The following RAPGEF2 variants were observed in gnomAD, a reference collection of about 807,000 sequenced individuals.
The protein encoded by RAPGEF2 is PDZ domain containing guanine nucleotide exchange factor (GEF) 1.
A neutral mutation model predicts 186.7 loss-of-function variants in RAPGEF2; 54 were observed. The ratio of observed to expected loss-of-function variants is 0.29; its 90% CI spans 0.23 to 0.36. The LOEUF (loss-of-function observed/expected upper bound fraction) is 0.36. RAPGEF2 is among the 10% of genes least tolerant of loss of function. The pLI, the probability that RAPGEF2 is intolerant of heterozygous loss-of-function variation, is 1.00. For synonymous variants in RAPGEF2, 712 were observed against 705.9 expected, an observed-to-expected ratio of 1.01 and a Z score of -0.14; for missense variants, 1,532 against 2,045.0, an observed-to-expected ratio of 0.75 and a Z score of 4.84.
Position 159,346,976 on chromosome 4 carries a change from C to G in RAPGEF2, c.3690C>G (p.Pro1230=). ...VSLYPSRKKV[P]VKDLPPFGIN... ...TTTATCCTTCACGGAAGAAAGTGCC[C>G]GTAAAGGATCTCCCACCTTTTGGTA... The change falls in exon 25 of 30, where the codon CCC becomes CCG. Residue 1230 remains proline (P), a synonymous_variant. Coordinates refer to ENST00000691494, the MANE Select transcript of RAPGEF2 (RefSeq NM_001394067.2). 3 of 1,613,840 alleles carry G rather than the reference C, an allele frequency of 1.9e-6. No individual in the cohort carries two copies. Among genetic ancestry groups the G allele is most frequent in the African/African-American group, 2.7e-5 (2 of 75,030 alleles).
chr4:159,342,447 A>G (rs1301569587), intron 20 of RAPGEF2, among the ~76,000 whole-genome samples: 1 of 151,738 alleles, frequency 6.6e-6, no homozygotes, highest in Non-Finnish European at 1.5e-5. Flanking sequence ...ACAATTAGTT[A>G]TATTGATGTT....
chr4:159,236,996 A>G (rs868239499), intron 4 of RAPGEF2, among the ~76,000 whole-genome samples: 32 of 152,298 alleles, frequency 2.1e-4, no homozygotes, highest in Middle Eastern at 6.8e-3. Flanking sequence ...TATGTTAAAT[A>G]TGATGCTGGT....
chr4:159,143,273 A>T (rs754742670), intron 1 of RAPGEF2, among the ~76,000 whole-genome samples: 4 of 151,996 alleles, frequency 2.6e-5, no homozygotes, highest in Non-Finnish European at 5.9e-5. Context: ...ACCAAAAAAA[A>T]CCAAAAAAAC....
chr4:159,254,599 A>AC (rs1277196354), intron 7 of RAPGEF2, among the ~76,000 whole-genome samples: 2 of 125,034 alleles, frequency 1.6e-5, no homozygotes, highest in Non-Finnish European at 3.4e-5. Context: ...ATACAGCATG[A>AC]CTTTTTTTTT....
chr4:159,169,735 A>G (rs1745704687), intron 1 of RAPGEF2, among the ~76,000 whole-genome samples: 1 of 152,096 alleles, frequency 6.6e-6, no homozygotes, highest in Non-Finnish European at 1.5e-5. Context: ...GTTCATTTAT[A>G]TTGTCATAAA....
At chr4:159,315,388 A>G (rs971909160) in intron 9 of RAPGEF2, among the ~76,000 whole-genome samples, 1 of 147,210 alleles carries the variant, frequency 6.8e-6, no homozygotes, top group Non-Finnish European at 1.5e-5. Flanking sequence ...TTTGTTGTAT[A>G]GATTATTTCA....
intron 7 of RAPGEF2, among the ~76,000 whole-genome samples, chr4:159,277,832 G>A (rs1759123206): frequency 6.6e-6 from 1 of 152,106 alleles, no homozygotes; most frequent in Non-Finnish European, 1.5e-5. Context: ...TTAGCCCTTT[G>A]TCAGATGGAT....
At chr4:159,203,140 C>T (rs1234145710) in intron 3 of RAPGEF2, among the ~76,000 whole-genome samples, 1 of 152,142 alleles carries the variant, frequency 6.6e-6, no homozygotes, top group Non-Finnish European at 1.5e-5. Context: ...GCGGCACACA[C>T]AGCTCTTTCC....
In RAPGEF2 at chr4:159,309,611, G is replaced by A. The variant is rs922732359; in HGVS notation, c.676-4980G>A. Among the ~76,000 whole-genome samples, 6 of 152,210 alleles carry A rather than the reference G, an allele frequency of 3.9e-5. No homozygotes were observed. In the East Asian group the frequency reaches 1.2e-3, roughly 29 times the overall value. ...AAAAAGGGTTACCTTAGAAGCAGATGGGGGCAGGTTGAAAGAATAGAAGGT... is the reference window on the plus strand; with the variant it reads ...AAAAAGGGTTACCTTAGAAGCAGATAGGGGCAGGTTGAAAGAATAGAAGGT... On this transcript the variant is annotated intron_variant, in intron 8 of 29. Transcript: ENST00000691494.
At chr4:159,208,524 G>A (rs560097786) in intron 3 of RAPGEF2, among the ~76,000 whole-genome samples, 66 of 152,292 alleles carry the variant, frequency 4.3e-4, no homozygotes, top group African/African-American at 1.3e-3. Flanking sequence ...GAAGCCATGG[G>A]TTGAGGATGG....
chr4:159,142,691 A>G (rs1185689011), intron 1 of RAPGEF2, among the ~76,000 whole-genome samples: 1 of 152,184 alleles, frequency 6.6e-6, no homozygotes, highest in Non-Finnish European at 1.5e-5. Flanking sequence ...TTTTCTTTTC[A>G]GTTTAAATTA....
intron 17 of RAPGEF2, among the ~76,000 whole-genome samples, chr4:159,333,653 AGCTTGCTTCTTT>A (rs1276545788): frequency 6.6e-6 from 1 of 152,148 alleles, no homozygotes; most frequent in Non-Finnish European, 1.5e-5. Flanking sequence ...ATGCTTTTTA[AGCTTGCTTCTTT>A]GCTTGCTTGC....
At chr4:159,266,869 C>G (rs146170635) in intron 7 of RAPGEF2, 1 of 171,400 alleles carries the variant, frequency 5.8e-6, no homozygotes, top group African/African-American at 2.4e-5. Context: ...GTTTTCCCAC[C>G]CTGTCTTCAG....
chr4:159,225,189 C>G (rs1466931192), intron 4 of RAPGEF2, among the ~76,000 whole-genome samples: 2 of 152,042 alleles, frequency 1.3e-5, no homozygotes, highest in Non-Finnish European at 2.9e-5. Flanking sequence ...AAGAGGAGTA[C>G]TTATAGCCAT....
At chr4:159,301,072 C>G (rs1328884681) in intron 7 of RAPGEF2, among the ~76,000 whole-genome samples, 1 of 152,084 alleles carries the variant, frequency 6.6e-6, no homozygotes, top group Non-Finnish European at 1.5e-5. Context: ...TGTGTATTGT[C>G]AATAAAATTT....
At chr4:159,321,247 C>G (rs907300831) in intron 9 of RAPGEF2, among the ~76,000 whole-genome samples, 10 of 151,524 alleles carry the variant, frequency 6.6e-5, no homozygotes, top group Non-Finnish European at 1.5e-5. Flanking sequence ...CACTCTTTCA[C>G]CCATTATGGA....
intron 1 of RAPGEF2, among the ~76,000 whole-genome samples, chr4:159,110,342 C>CT (rs1738358821): frequency 6.6e-6 from 1 of 152,104 alleles, no homozygotes; most frequent in African/African-American, 2.4e-5. Flanking sequence ...AATCCTAGCA[C>CT]TTTAGGAGGC....
rs575484129 is a variant in RAPGEF2 at position 159,345,655 on chromosome 4, C to T, written c.3502+326C>T. On this transcript the variant is annotated intron_variant, in intron 24 of 29. Transcript: ENST00000691494. ...GGCTCCCATTTACATGTCTTACGTT[C>T]TCACAAAGCTACCCCCAAAGTATGG... 3.9e-5 allele frequency among the ~76,000 whole-genome samples: 6 copies of T among 152,262 alleles called. No individual in the cohort carries two copies. The South Asian group carries it at 6.2e-4, about 16-fold the overall frequency.
At chr4:159,148,671 T>C (rs890490753) in intron 1 of RAPGEF2, among the ~76,000 whole-genome samples, 1 of 152,152 alleles carries the variant, frequency 6.6e-6, no homozygotes, top group South Asian at 2.1e-4. Flanking sequence ...TGGGATTGAG[T>C]GTACTTAAGC....
Sources: allele counts gnomAD v4.1 joint callset (sites outside exome capture counted in the v4.1 genomes callset), GRCh38; gene constraint gnomAD v4.1.1; transcripts MANE v1.5; gene names NCBI Gene and HGNC (gene_info 2026-07-23, HGNC 2026-07-21).